Variants in GRID2 observed in about 807,000 individuals in gnomAD.
GRID2 encodes the protein glutamate receptor ionotropic, delta-2.
In GRID2, 33 loss-of-function variants were observed where a neutral mutation model predicts 114.8. That is an observed-to-expected ratio of 0.29 (90% CI 0.22 to 0.38). The LOEUF (loss-of-function observed/expected upper bound fraction) is 0.38, where lower values mean the gene tolerates loss of function less well. Among genes scored for constraint, GRID2 ranks in the 10% least tolerant of loss-of-function variants. GRID2 has a pLI of 1.00. For synonymous variants in GRID2, 505 were observed against 449.9 expected (o/e 1.12, Z -1.55); for missense variants, 1,184 against 1,257.7 (o/e 0.94, Z 0.89).
At chr4:92,742,518 AG>A (rs1736943321) in intron 2 of GRID2, among the ~76,000 whole-genome samples, 1 of 152,006 alleles carries the variant, frequency 6.6e-6, no homozygotes, top group Non-Finnish European at 1.5e-5. Flanking sequence ...AATCTTTCAG[AG>A]GTTTCTTGGG....
downstream of GRID2, among the ~76,000 whole-genome samples, chr4:93,778,554 G>A (rs576287454): frequency 3.9e-4 from 60 of 152,036 alleles, no homozygotes; most frequent in Admixed American, 8.5e-4. Context: ...GTGCCACCAC[G>A]CTCAGCTAAT....
rs577725080 is a variant in GRID2 at position 92,703,810 on chromosome 4, A to G, written c.244+113524A>G. Among the ~76,000 whole-genome samples the G allele has an allele frequency of 9.2e-5, 14 of 152,136 alleles. No homozygotes were observed. The South Asian group carries it at 2.7e-3, about 29-fold the overall frequency. On this transcript the variant is annotated intron_variant, in intron 2 of 15. Coordinates refer to ENST00000282020, the MANE Select transcript of GRID2 (RefSeq NM_001510.4). ...TTACATTCTTCTAATTGCATCAAAC[A>G]AATAATTTACTCAAACTGGGCTTCT... is the stretch of plus-strand genomic sequence containing the variant.
chr4:92,961,943 G>T (rs1578613518), intron 2 of GRID2, among the ~76,000 whole-genome samples: 1 of 151,396 alleles, frequency 6.6e-6, no homozygotes, highest in South Asian at 2.1e-4. Context: ...AACCATGACC[G>T]ATCTACTAAT....
intron 8 of GRID2, 135 bp from the exon 9 acceptor site, chr4:93,395,472 A>C (rs1231824091): frequency 2.0e-6 from 1 of 503,536 alleles, no homozygotes; most frequent in Non-Finnish European, 3.7e-6. Context: ...TTCCTATTTA[A>C]AAAGAAAACC....
chr4:93,380,204 C>A (rs1002531546), intron 8 of GRID2, among the ~76,000 whole-genome samples: 1 of 151,680 alleles, frequency 6.6e-6, no homozygotes, highest in East Asian at 1.9e-4. Context: ...GAAAGACATA[C>A]GGGGATTTAA....
In GRID2 at chr4:92,337,969, T is replaced by G. The variant is rs535911587; in HGVS notation, c.88+33225T>G. Among the ~76,000 whole-genome samples the G allele has an allele frequency of 2.6e-5, 4 of 152,294 alleles. No individual in the cohort carries two copies. The South Asian group carries it at 8.3e-4, about 32-fold the overall frequency. ...CTGCGTGTGTGCATATGTGTGTGTC[T>G]GTGTATAAGTGCACAGGTGTAAACT... On this transcript the variant is annotated intron_variant, in intron 1 of 15. Transcript: ENST00000282020.
At chr4:93,268,270 AAG>A (rs1386334937) in intron 8 of GRID2, among the ~76,000 whole-genome samples, 1 of 152,176 alleles carries the variant, frequency 6.6e-6, no homozygotes, top group African/African-American at 2.4e-5. Flanking sequence ...ACACTCAAGA[AAG>A]AGAAATACCT....
At chr4:92,668,654 G>A (rs1401891724) in intron 2 of GRID2, among the ~76,000 whole-genome samples, 1 of 151,776 alleles carries the variant, frequency 6.6e-6, no homozygotes, top group Non-Finnish European at 1.5e-5. Flanking sequence ...GCATATATCT[G>A]ATTAAATGTA....
chr4:93,724,703 G>T (rs1729684602), intron 14 of GRID2, among the ~76,000 whole-genome samples: 1 of 152,112 alleles, frequency 6.6e-6, no homozygotes, highest in Admixed American at 6.6e-5. Context: ...GAAGAGGAGG[G>T]ACAGTTGATG....
chr4:92,557,690 G>A (rs1726924654), intron 1 of GRID2, among the ~76,000 whole-genome samples: 1 of 146,504 alleles, frequency 6.8e-6, no homozygotes, highest in Admixed American at 6.9e-5. Context: ...TATACTTCTA[G>A]TGAACAGAAA....
At chr4:93,408,089 T>C (rs1027221321) in intron 9 of GRID2, among the ~76,000 whole-genome samples, 2 of 151,996 alleles carry the variant, frequency 1.3e-5, no homozygotes, top group Admixed American at 1.3e-4. Flanking sequence ...TGAGGCCGAG[T>C]AGTCTGAAGT....
intron 4 of GRID2, among the ~76,000 whole-genome samples, chr4:93,150,917 A>G (rs1405343978): frequency 6.6e-6 from 1 of 151,992 alleles, no homozygotes; most frequent in African/African-American, 2.4e-5. Flanking sequence ...ACTTGAGGTT[A>G]GGAGTTCAAG....
chr4:93,144,514 T>G (rs1349684307), intron 4 of GRID2, among the ~76,000 whole-genome samples: 1 of 152,176 alleles, frequency 6.6e-6, no homozygotes, highest in African/African-American at 2.4e-5. Flanking sequence ...GTGGGAGAGA[T>G]GCACTGTGAT....
chr4:92,653,025 T>A (rs1732046206), intron 2 of GRID2, among the ~76,000 whole-genome samples: 1 of 145,772 alleles, frequency 6.9e-6, no homozygotes, highest in Admixed American at 7.0e-5. Flanking sequence ...TACTTTTTTT[T>A]TTCTAAGTTG....
intron 2 of GRID2, among the ~76,000 whole-genome samples, chr4:92,669,378 T>C (rs1356682618): frequency 6.6e-6 from 1 of 151,902 alleles, no homozygotes; most frequent in African/African-American, 2.4e-5. Context: ...ATTATAAAAT[T>C]CTGTCAGCGT....
At chr4:93,617,976 A>G (rs1560825597) in intron 13 of GRID2, among the ~76,000 whole-genome samples, 1 of 150,630 alleles carries the variant, frequency 6.6e-6, no homozygotes, top group Non-Finnish European at 1.5e-5. Context: ...TGGGTTTGAT[A>G]CTACCCCCCC....
At chr4:93,049,690 TA>T (rs1346771753) in intron 2 of GRID2, among the ~76,000 whole-genome samples, 1 of 151,998 alleles carries the variant, frequency 6.6e-6, no homozygotes, top group African/African-American at 2.4e-5. Context: ...TTGTTACTTA[TA>T]AATGGTATAA....
At chr4:92,784,753 G>C (rs997306697) in intron 2 of GRID2, among the ~76,000 whole-genome samples, 3 of 151,762 alleles carry the variant, frequency 2.0e-5, no homozygotes, top group African/African-American at 4.8e-5. Context: ...AGCTATCATT[G>C]ATCCAAATAC....
At chr4:92,912,350 G>C (rs1273774360) in intron 2 of GRID2, among the ~76,000 whole-genome samples, 1 of 151,776 alleles carries the variant, frequency 6.6e-6, no homozygotes, top group Non-Finnish European at 1.5e-5. Context: ...GTAAGCAAGA[G>C]AGACACTAAG....
Sources: gnomAD v4.1 joint callset for allele counts (sites outside exome capture counted in the v4.1 genomes callset) on GRCh38, gnomAD v4.1.1 for gene constraint, MANE v1.5 for transcripts, NCBI Gene and HGNC (gene_info 2026-07-23, HGNC 2026-07-21) for gene names.